The following LAMB4 variants were observed in gnomAD, a reference collection of about 807,000 sequenced individuals.
LAMB4 encodes laminin subunit beta 4.
LAMB4 carries 196 observed loss-of-function variants against 199.2 expected under a neutral mutation model. The observed-to-expected ratio is 0.98, with a 90% CI of 0.88 to 1.11. LAMB4 has a LOEUF of 1.11. Ranked by LOEUF, LAMB4 falls within the 50% of genes least tolerant of loss-of-function variation. The probability of loss-of-function intolerance (pLI) is 0.00; values close to 1 mark genes in which losing one functional copy is unlikely to be tolerated. For synonymous variants in LAMB4, 744 were observed against 770.6 expected (o/e 0.97, Z 0.57); for missense variants, 2,080 against 2,171.2 (o/e 0.96, Z 0.83).
chr7:108,124,567 T>C (rs576036876), intron 1 of LAMB4, among the ~76,000 whole-genome samples: 2 of 152,262 alleles, frequency 1.3e-5, no homozygotes, highest in East Asian at 3.9e-4. Flanking sequence ...AGAAAGTTTG[T>C]TCCAATTTAC....
At chr7:108,032,076 T>G in intron 31 of LAMB4, among the ~76,000 whole-genome samples, 1 of 152,208 alleles carries the variant, frequency 6.6e-6, no homozygotes, top group African/African-American at 2.4e-5. Context: ...TTGTTCATTA[T>G]TTCTGATGAC....
Position 108,123,212 on chromosome 7 carries a change from G to A in LAMB4, c.-33-15C>T. 4 of 1,503,998 alleles carry A rather than the reference G, an allele frequency of 2.7e-6. No homozygotes were observed. Among genetic ancestry groups the A allele is most frequent in the Non-Finnish European group, 3.7e-6 (4 of 1,093,848 alleles). The allele number at this position is 1,503,998 out of a possible 1,614,324, so 93.2% of individuals were successfully genotyped here. On this transcript the variant is annotated splice_polypyrimidine_tract_variant and intron_variant, in intron 1 of 33. Transcript: ENST00000388781. ...ATTCAATTCTACTGGGTTAAAAAAAGGTTAAAGTCAATCACTGATAGAAGA... is the reference window on the plus strand; with the variant it reads ...ATTCAATTCTACTGGGTTAAAAAAAAGTTAAAGTCAATCACTGATAGAAGA...
At chr7:108,040,887 A>G (rs574044511) in intron 29 of LAMB4, among the ~76,000 whole-genome samples, 1 of 152,362 alleles carries the variant, frequency 6.6e-6, no homozygotes, top group South Asian at 2.1e-4. Context: ...AAGCGACTAC[A>G]ACAAAAGCAA....
intron 31 of LAMB4, among the ~76,000 whole-genome samples, chr7:108,031,868 A>C (rs1388566617): frequency 6.6e-6 from 1 of 152,086 alleles, no homozygotes; most frequent in Non-Finnish European, 1.5e-5. Flanking sequence ...CTTGTTTCTT[A>C]TTTCAGTGAC....
chr7:108,115,820 G>A (rs761645612), intron 3 of LAMB4, among the ~76,000 whole-genome samples, 184 bp downstream of exon 3: 28 of 152,046 alleles, frequency 1.8e-4, no homozygotes, highest in Non-Finnish European at 3.5e-4. Flanking sequence ...CATGGATTTC[G>A]GTGTTGGGGG....
At chr7:108,013,848 T>C in the LAMB4 span, among the ~76,000 whole-genome samples, 10 of 152,140 alleles carry the variant, frequency 6.6e-5, no homozygotes, top group African/African-American at 2.4e-4. Context: ...GCTGGACCCA[T>C]GCAACAGAGT....
chr7:108,027,574 T>A (rs1468497402), intron 33 of LAMB4, among the ~76,000 whole-genome samples: 1 of 152,216 alleles, frequency 6.6e-6, no homozygotes, highest in Non-Finnish European at 1.5e-5. Context: ...TGAGGAGTTT[T>A]GGTTACTTTA....
At chr7:108,079,196 G>T (rs903319073) in intron 15 of LAMB4, among the ~76,000 whole-genome samples, 4 of 152,240 alleles carry the variant, frequency 2.6e-5, no homozygotes, top group African/African-American at 4.8e-5. Flanking sequence ...TTGTCGCAGG[G>T]TAAGATGCAA....
intron 21 of LAMB4, among the ~76,000 whole-genome samples, chr7:108,064,366 A>G (rs2036265377): frequency 6.6e-6 from 1 of 152,166 alleles, no homozygotes; most frequent in South Asian, 2.1e-4. Context: ...TTGATCCTAG[A>G]GGTGAACTAA....
downstream of LAMB4, among the ~76,000 whole-genome samples, chr7:108,022,357 C>T (rs777323044): frequency 2.0e-5 from 3 of 152,176 alleles, no homozygotes; most frequent in East Asian, 1.9e-4. Flanking sequence ...CTTTTCCCTC[C>T]ATCTTTAAGA....
At chr7:108,027,112 T>C (rs932649322) in intron 33 of LAMB4, among the ~76,000 whole-genome samples, 2 of 152,162 alleles carry the variant, frequency 1.3e-5, no homozygotes, top group African/African-American at 4.8e-5. Context: ...CCCATGTTTT[T>C]ACTCCTAGAG....
intron 30 of LAMB4, among the ~76,000 whole-genome samples, chr7:108,036,890 T>TA (rs1193713757): frequency 2.7e-5 from 4 of 149,440 alleles, no homozygotes; most frequent in African/African-American, 9.9e-5. Context: ...TTGCCATTAT[T>TA]TTCAATGGCA....
intron 10 of LAMB4, 125 bp downstream of exon 10, chr7:108,102,919 T>C: frequency 1.4e-6 from 1 of 704,352 alleles, no homozygotes; most frequent in Non-Finnish European, 2.2e-6. Flanking sequence ...TTTGCAATCC[T>C]CCACTCTCCA....
intron 24 of LAMB4, among the ~76,000 whole-genome samples, chr7:108,056,971 C>CAA (rs553536221): frequency 1.7e-3 from 87 of 51,690 alleles, no homozygotes; most frequent in Middle Eastern, 0.01. Context: ...GACCCTGTCT[C>CAA]AAAAAAAAAA....
At chr7:108,086,065 C>A (rs2037163594) in intron 14 of LAMB4, among the ~76,000 whole-genome samples, 1 of 152,198 alleles carries the variant, frequency 6.6e-6, no homozygotes, top group Non-Finnish European at 1.5e-5. Context: ...TGGCTCCCGA[C>A]TGACCCCTTC....
intron 10 of LAMB4, among the ~76,000 whole-genome samples, chr7:108,100,672 A>G (rs1391853456): frequency 6.6e-6 from 1 of 152,216 alleles, no homozygotes; most frequent in Admixed American, 6.5e-5. Context: ...GTTATTTCCA[A>G]ATCTCTTTCC....
At chr7:108,036,216 T>G (rs953993694) in intron 30 of LAMB4, among the ~76,000 whole-genome samples, 3 of 148,374 alleles carry the variant, frequency 2.0e-5, no homozygotes, top group African/African-American at 7.6e-5. Flanking sequence ...TGAGACGGAG[T>G]TTCGATTTTG....
rs767207808 is a variant in LAMB4, at chr7:108,049,379, A to G, written c.4069T>C (p.Leu1357=). The G allele has an allele frequency of 4.4e-6, 7 of 1,590,644 alleles. No individual in the cohort carries two copies. The highest frequency in any genetic ancestry group is 2.2e-5 in the East Asian group (1 of 44,588). ...ATCTTAATCTGCTTTAATCTTTCCAATGACAAGTTTCCTTTTGAGGTTAGT... is the reference window on the plus strand; with the variant it reads ...ATCTTAATCTGCTTTAATCTTTCCAGTGACAAGTTTCCTTTTGAGGTTAGT... ...DTLTSKGNLS[L]ERLKQIKIPD... The change falls in exon 27 of 34, where the codon TTG becomes CTG. Residue 1357 remains leucine, a synonymous_variant. Coordinates refer to ENST00000388781, the MANE Select transcript of LAMB4 (RefSeq NM_007356.3).
chr7:108,069,514 G>T (rs777211000), intron 18 of LAMB4, among the ~76,000 whole-genome samples, 194 bp downstream of exon 18: 7 of 152,190 alleles, frequency 4.6e-5, no homozygotes, highest in African/African-American at 1.4e-4. Context: ...CTGCTGCAAA[G>T]TTCCTCTTTT....
Sources: allele counts gnomAD v4.1 joint callset (sites outside exome capture counted in the v4.1 genomes callset), GRCh38; gene constraint gnomAD v4.1.1; transcripts MANE v1.5; gene names NCBI Gene and HGNC (gene_info 2026-07-23, HGNC 2026-07-21).